The following MTERF4 variants were observed in gnomAD, a reference collection of about 807,000 sequenced individuals.
The protein encoded by MTERF4 is transcription termination factor 4, mitochondrial.
MTERF4 carries 17 observed loss-of-function variants against 22.5 expected under a neutral mutation model. That is an observed-to-expected ratio of 0.75 (90% confidence interval 0.52 to 1.13). The LOEUF (loss-of-function observed/expected upper bound fraction) is 1.13. Ranked by LOEUF, MTERF4 falls within the 50% of genes most tolerant of loss-of-function variation. The pLI is 0.00. For synonymous variants in MTERF4, 165 were observed against 175.3 expected (o/e 0.94, Z 0.47); for missense variants, 420 against 466.8 (o/e 0.90, Z 0.92).
At chr2:241,067,954 AG>A, downstream of MTERF4, 1 of 1,574,582 alleles carries the variant, frequency 6.4e-7, no homozygotes, top group Non-Finnish European at 8.7e-7. Context: ...TTAGGTAAGA[AG>A]GGACACCCAG....
chr2:241,087,659 G>A, downstream of MTERF4: 3 of 1,397,364 alleles, frequency 2.1e-6, no homozygotes, highest in Non-Finnish European at 2.8e-6. Flanking sequence ...ATGTGCATGT[G>A]AGCATACCCA....
At chr2:241,083,444 C>T (rs1263715543), downstream of MTERF4, among the ~76,000 whole-genome samples, 1 of 152,182 alleles carries the variant, frequency 6.6e-6, no homozygotes, top group Non-Finnish European at 1.5e-5. Context: ...TTCGATTACA[C>T]TACTTTGGAT....
At chr2:241,068,466 G>A (rs1011163150), downstream of MTERF4, among the ~76,000 whole-genome samples, 4 of 152,118 alleles carry the variant, frequency 2.6e-5, no homozygotes, top group Admixed American at 1.3e-4. This position sits in a 1 kb window ranked among gnomAD's most constrained non-coding sequence, Gnocchi z 5.3. Flanking sequence ...AGGGGTGCAG[G>A]AAAAGATCGG....
chr2:241,087,358 T>C (rs370177685), downstream of MTERF4: 108 of 1,562,548 alleles, frequency 6.9e-5, no homozygotes, highest in African/African-American at 1.4e-3. Context: ...TTTGCTTCAC[T>C]GTCTGGTTTT....
chr2:241,087,139 GTGC>G (rs576745840), downstream of MTERF4: 13 of 454,068 alleles, frequency 2.9e-5, no homozygotes, highest in Non-Finnish European at 5.0e-5. Flanking sequence ...TCCTTTGTCA[GTGC>G]TCATCAGAAT....
chr2:241,058,257 T>C, the MTERF4 span, among the ~76,000 whole-genome samples: 1 of 152,100 alleles, frequency 6.6e-6, no homozygotes, highest in Non-Finnish European at 1.5e-5. Context: ...TTATAAATAT[T>C]CAAGCATCTA....
chr2:241,049,146 C>A, the MTERF4 span: 1 of 1,602,064 alleles, frequency 6.2e-7, no homozygotes, highest in South Asian at 1.1e-5. Flanking sequence ...GTGAGTAGCT[C>A]GGGGACGAGC....
At chr2:241,043,998 A>G in the MTERF4 span, among the ~76,000 whole-genome samples, 34 of 152,376 alleles carry the variant, frequency 2.2e-4, no homozygotes, top group African/African-American at 7.7e-4. Flanking sequence ...TACTGTTTGA[A>G]GGTAGGCTGT....
At chr2:241,049,992 G>A in the MTERF4 span, 5 of 1,246,342 alleles carry the variant, frequency 4.0e-6, no homozygotes, top group South Asian at 3.6e-5. Flanking sequence ...CCCGCGGTCC[G>A]CCGTCCTGCT....
chr2:241,049,763 G>GC, the MTERF4 span: 1 of 1,419,864 alleles, frequency 7.0e-7, no homozygotes, highest in Non-Finnish European at 9.9e-7. Flanking sequence ...GCCTCTTGCC[G>GC]CCCGCACAGA....
At position 241,096,969 on chromosome 2, in the gene MTERF4, T is replaced by C. The variant is rs138614651; in HGVS notation, c.705+274A>G. On this transcript the variant is annotated intron_variant, in intron 3 of 3. Transcript: ENST00000391980. The surrounding 1 kb of genome is among the most constrained non-coding windows in gnomAD (Gnocchi z 5.1). ...TCATTCATTATTAATGGCAGAAAAG[T>C]TGAAGAATAGGTTTGATCTGTAGTA... 1.4e-3 allele frequency: 814 copies of C among 586,366 alleles called. 7 individuals carry two copies. Among genetic ancestry groups the C allele is most frequent in the African/African-American group, 0.013 (719 of 53,540 alleles). 36.3% of individuals were successfully genotyped at this position (586,366 alleles called of 1,614,324 possible). A position where few individuals can be genotyped will look rare whatever the true frequency, so the allele number is the denominator to read the frequency against.
At chr2:241,090,204 ATTT>A, downstream of MTERF4, 1 of 1,474,796 alleles carries the variant, frequency 6.8e-7, no homozygotes, top group East Asian at 2.5e-5. Flanking sequence ...TGTTTTTAAA[ATTT>A]TTAATTGTTT....
At chr2:241,061,854 CAAAAA>C in the MTERF4 span, among the ~76,000 whole-genome samples, 1 of 118,150 alleles carries the variant, frequency 8.5e-6, no homozygotes, top group South Asian at 2.7e-4. Flanking sequence ...TCCATCCCCC[CAAAAA>C]AAAAAAAAGA....
chr2:241,073,398 T>G lies in MTERF4; in HGVS notation n.2764A>C. On this transcript the variant is annotated non_coding_transcript_exon_variant, in exon 5 of 5. Coordinates refer to the MTERF4 transcript ENST00000464344. This position sits in a 1 kb window ranked among gnomAD's most constrained non-coding sequence, Gnocchi z 6.6. ...GCAGCGCTGGTGGGGACTTTGGGACTGACTGACTGCTCTCAGGGGCCTTAG... is the reference window on the plus strand; with the variant it reads ...GCAGCGCTGGTGGGGACTTTGGGACGGACTGACTGCTCTCAGGGGCCTTAG... The G allele has an allele frequency of 1.3e-6, 2 of 1,509,300 alleles. No homozygotes were observed. Among genetic ancestry groups the G allele is most frequent in the Non-Finnish European group, 1.8e-6 (2 of 1,108,426 alleles). The allele number at this position is 1,509,300 out of a possible 1,614,324, so 93.5% of individuals were successfully genotyped here.
chr2:241,057,380 AATATATATATATATAT>A, the MTERF4 span, among the ~76,000 whole-genome samples: 5 of 118,132 alleles, frequency 4.2e-5, 1 homozygote, highest in African/African-American at 1.5e-4. Context: ...TCCATCTCAA[AATATATATATATATAT>A]ATATATATAT....
the MTERF4 span, among the ~76,000 whole-genome samples, chr2:241,060,862 C>G: frequency 6.6e-6 from 1 of 151,882 alleles, no homozygotes; most frequent in Non-Finnish European, 1.5e-5. Context: ...AACCGGAGTT[C>G]AAAGCTGCAG....
Position 241,096,409 on chromosome 2 carries a change from A to G in MTERF4, c.735T>C (p.His245=), listed in dbSNP as rs773367137. The G allele has an allele frequency of 5.0e-6, 8 of 1,614,170 alleles. No individual in the cohort carries two copies. The highest frequency in any genetic ancestry group is 3.3e-4 in the Middle Eastern group (2 of 6,062). Residue 245 remains histidine, a synonymous_variant, in exon 4 of 4, where the codon CAT becomes CAC. Transcript: ENST00000391980. The surrounding 1 kb of genome is among the most constrained non-coding windows in gnomAD (Gnocchi z 5.1). ...QYAYFRMGIK[H]PDIVKSEYLQ... ...AGTACTCACTCTTTACAATGTCTGG[A>G]TGCTTAATTCCCATCCTGAAGTATG...
downstream of MTERF4, chr2:241,069,798 C>G: frequency 8.6e-7 from 1 of 1,158,780 alleles, no homozygotes; most frequent in East Asian, 2.4e-5. This position sits in a 1 kb window ranked among gnomAD's most constrained non-coding sequence, Gnocchi z 4.9. Context: ...GTACCATTCT[C>G]CATAATAAAG....
chr2:241,071,921 C>T (rs746143141), downstream of MTERF4: 21 of 1,449,302 alleles, frequency 1.4e-5, no homozygotes, highest in Non-Finnish European at 1.9e-5. Flanking sequence ...GGCCCACCCT[C>T]GTCCTCACTG....
Sources: allele counts gnomAD v4.1 joint callset (sites outside exome capture counted in the v4.1 genomes callset), GRCh38; gene constraint gnomAD v4.1.1; non-coding constraint Gnocchi (gnomAD v3.1); transcripts MANE v1.5; gene names NCBI Gene and HGNC (gene_info 2026-07-23, HGNC 2026-07-21).